PDE1A: variants seen among roughly 807,000 people sequenced by gnomAD.
The protein encoded by PDE1A is phosphodiesterase 1A.
PDE1A carries 35 observed loss-of-function variants against 61.7 expected under a neutral mutation model. The observed-to-expected ratio is 0.57, with a 90% CI of 0.43 to 0.75. The LOEUF (loss-of-function observed/expected upper bound fraction) is 0.75. Among genes scored for constraint, PDE1A ranks in the 30% least tolerant of loss-of-function variants. The pLI is 0.00. For missense variants in PDE1A, 597 were observed against 630.6 expected, an observed-to-expected ratio of 0.95 and a Z score of 0.57; for synonymous variants, 232 against 213.2, an observed-to-expected ratio of 1.09 and a Z score of -0.77.
intron 1 of PDE1A, among the ~76,000 whole-genome samples, chr2:182,384,904 G>A (rs989168653): frequency 1.3e-5 from 2 of 152,044 alleles, no homozygotes; most frequent in African/African-American, 4.8e-5. Context: ...AAGACAAGGA[G>A]AAGACTGAAA....
the PDE1A span, among the ~76,000 whole-genome samples, chr2:182,572,937 C>T: frequency 6.6e-6 from 1 of 151,638 alleles, no homozygotes; most frequent in Admixed American, 6.6e-5. Flanking sequence ...CAACAGTGCC[C>T]AATCTTTACT....
chr2:182,283,021 A>G (rs1444652370), intron 1 of PDE1A, among the ~76,000 whole-genome samples: 1 of 152,088 alleles, frequency 6.6e-6, no homozygotes, highest in Non-Finnish European at 1.5e-5. Context: ...GCTGGAAATA[A>G]CACTAAGATT....
the PDE1A span, among the ~76,000 whole-genome samples, chr2:182,670,247 C>A: frequency 6.6e-6 from 1 of 152,258 alleles, no homozygotes; most frequent in East Asian, 1.9e-4. Flanking sequence ...AGAAAAAATT[C>A]CAAGGTCTTC....
the PDE1A span, among the ~76,000 whole-genome samples, chr2:182,588,492 C>CTGTCTAAA: frequency 6.6e-6 from 1 of 152,320 alleles, no homozygotes; most frequent in South Asian, 2.1e-4. Context: ...CTTATTACTT[C>CTGTCTAAA]TGTCTAAATT....
chr2:182,444,462 G>A (rs1685003936), intron 2 of PDE1A, among the ~76,000 whole-genome samples: 1 of 151,976 alleles, frequency 6.6e-6, no homozygotes, highest in Admixed American at 6.6e-5. Flanking sequence ...ACAGTATTGA[G>A]AGAATAACTC....
chr2:182,536,086 G>A, the PDE1A span, among the ~76,000 whole-genome samples: 1 of 152,134 alleles, frequency 6.6e-6, no homozygotes, highest in Non-Finnish European at 1.5e-5. Flanking sequence ...GTATGGCTGT[G>A]ACTGACACAG....
intron 1 of PDE1A, among the ~76,000 whole-genome samples, chr2:182,404,927 A>T (rs1702218538): frequency 6.6e-6 from 1 of 152,260 alleles, no homozygotes; most frequent in Admixed American, 6.5e-5. Flanking sequence ...AAAGTATAGC[A>T]TAACAGTACA....
chr2:182,362,337 C>A (rs370380687), intron 1 of PDE1A, among the ~76,000 whole-genome samples: 2 of 151,550 alleles, frequency 1.3e-5, no homozygotes, highest in African/African-American at 4.8e-5. Flanking sequence ...AGCAGTAGCA[C>A]GGGAAAAAAG....
At chr2:182,702,821 A>C in the PDE1A span, among the ~76,000 whole-genome samples, 2 of 152,214 alleles carry the variant, frequency 1.3e-5, no homozygotes, top group Non-Finnish European at 2.9e-5. Context: ...TCACATTGGT[A>C]TGATTGGGTT....
the PDE1A span, among the ~76,000 whole-genome samples, chr2:182,556,014 T>C: frequency 7.0e-6 from 1 of 142,058 alleles, no homozygotes; most frequent in East Asian, 2.1e-4. Flanking sequence ...TCTTTTGACT[T>C]AAGATAATCA....
chr2:182,153,963 C>T (rs1279135842), intron 13 of PDE1A, among the ~76,000 whole-genome samples: 1 of 152,180 alleles, frequency 6.6e-6, no homozygotes, highest in Non-Finnish European at 1.5e-5. Context: ...CAAAAATTCA[C>T]ATATTCTTTA....
chr2:182,570,998 T>C, the PDE1A span, among the ~76,000 whole-genome samples: 2 of 152,212 alleles, frequency 1.3e-5, no homozygotes, highest in Non-Finnish European at 2.9e-5. Context: ...AAATCATTCG[T>C]AAGGTTCTTA....
At chr2:182,330,922 T>C (rs1459907261) in intron 1 of PDE1A, among the ~76,000 whole-genome samples, 7 of 152,138 alleles carry the variant, frequency 4.6e-5, no homozygotes, top group Non-Finnish European at 1.0e-4. Flanking sequence ...TTGCTCCATG[T>C]GTTCTTCCTG....
intron 1 of PDE1A, among the ~76,000 whole-genome samples, chr2:182,357,359 C>G (rs1040822446): frequency 6.6e-6 from 1 of 151,942 alleles, no homozygotes; most frequent in Non-Finnish European, 1.5e-5. Flanking sequence ...GTAGTCTGAA[C>G]ACGTAGATGA....
At chr2:182,374,837 AAAGAAAGAGGTTT>A (rs1215196415) in intron 1 of PDE1A, among the ~76,000 whole-genome samples, 2 of 152,220 alleles carry the variant, frequency 1.3e-5, no homozygotes, top group Admixed American at 1.3e-4. Context: ...GCAATTTACA[AAAGAAAGAGGTTT>A]AACTGAACTT....
the PDE1A span, among the ~76,000 whole-genome samples, chr2:182,707,951 AGAGT>A: frequency 6.6e-6 from 1 of 152,222 alleles, no homozygotes; most frequent in East Asian, 1.9e-4. Context: ...ATGGCACTGT[AGAGT>A]GACTATAGTT....
Position 182,154,465 on chromosome 2 carries a change from T to G in PDE1A, c.1517-7313A>C, listed in dbSNP as rs369899894. 1.1e-3 allele frequency among the ~76,000 whole-genome samples: 162 copies of G among 152,286 alleles called. 1 individual carries two copies. Among genetic ancestry groups the G allele is most frequent in the African/African-American group, 3.7e-3 (155 of 41,568 alleles). On this transcript the variant is annotated intron_variant, in intron 13 of 13. Transcript: ENST00000409365. ...GTTTAGCTGTGTCCCCACCCATATC[T>G]CACCTTGAACTTAATAATCCCCACG...
At chr2:182,617,672 C>T in the PDE1A span, among the ~76,000 whole-genome samples, 1 of 152,218 alleles carries the variant, frequency 6.6e-6, no homozygotes. Flanking sequence ...AACACAACAA[C>T]TGCCATTCTG....
At chr2:182,557,868 T>C in the PDE1A span, among the ~76,000 whole-genome samples, 1 of 152,148 alleles carries the variant, frequency 6.6e-6, no homozygotes, top group African/African-American at 2.4e-5. Context: ...ATCTTACAAA[T>C]CTTTCATCAT....
Sources: gnomAD v4.1 joint callset for allele counts (sites outside exome capture counted in the v4.1 genomes callset) on GRCh38, gnomAD v4.1.1 for gene constraint, MANE v1.5 for transcripts, NCBI Gene and HGNC (gene_info 2026-07-23, HGNC 2026-07-21) for gene names.